Variants in COL10A1 observed in about 807,000 individuals in gnomAD.
The protein encoded by COL10A1 is collagen alpha-1(X) chain.
Under a neutral mutation model 18.2 loss-of-function variants are expected in COL10A1, and 10 were observed. The ratio of observed to expected loss-of-function variants is 0.55; its 90% CI spans 0.34 to 0.93. The LOEUF (loss-of-function observed/expected upper bound fraction) is 0.93. Among genes scored for constraint, COL10A1 ranks in the 40% least tolerant of loss-of-function variants. The pLI is 0.02. For missense variants in COL10A1, 897 were observed against 853.5 expected (o/e 1.05, Z -0.64); for synonymous variants, 330 against 316.6 (o/e 1.04, Z -0.45).
intron 1 of COL10A1, among the ~76,000 whole-genome samples, chr6:116,136,904 C>T (rs543034968): frequency 4.6e-5 from 7 of 152,238 alleles, no homozygotes; most frequent in African/African-American, 1.7e-4. Flanking sequence ...AAGAATCCAG[C>T]CTGTGTTTGT....
rs1176486083 is a variant in COL10A1 at position 116,119,311 on chromosome 6, CTT to C, written c.*760_*761del. ...AATTAAAGAAATCAAATTAATCACA[CTT>C]GTGTTAACTAAATAAGAATAGGTCA... On this transcript the variant is annotated 3_prime_UTR_variant, in exon 3 of 3. Coordinates refer to ENST00000651968, the MANE Select transcript of COL10A1 (RefSeq NM_000493.4). 6.6e-6 allele frequency: 1 copy of C among 152,478 alleles called. No individual in the cohort carries two copies. Among genetic ancestry groups the C allele is most frequent in the Non-Finnish European group, 1.5e-5 (1 of 68,032 alleles). 9.4% of individuals were successfully genotyped at this position (152,478 alleles called of 1,614,324 possible).
chr6:116,153,177 T>G (rs1339498594), intron 1 of COL10A1, among the ~76,000 whole-genome samples: 1 of 151,970 alleles, frequency 6.6e-6, no homozygotes, highest in Non-Finnish European at 1.5e-5. Context: ...ACATAATTTT[T>G]GAGTAGGGTT....
chr6:116,193,415 T>G, the COL10A1 span, among the ~76,000 whole-genome samples: 1 of 152,162 alleles, frequency 6.6e-6, no homozygotes, highest in South Asian at 2.1e-4. Context: ...GTTTGAAAAA[T>G]GAAAACTTGA....
intron 1 of COL10A1, among the ~76,000 whole-genome samples, chr6:116,138,378 T>C (rs886779228): frequency 6.6e-6 from 1 of 152,204 alleles, no homozygotes; most frequent in Non-Finnish European, 1.5e-5. Flanking sequence ...ACTACTGTGT[T>C]GGCTATTCCT....
At chr6:116,185,655 G>A in the COL10A1 span, among the ~76,000 whole-genome samples, 105 of 152,212 alleles carry the variant, frequency 6.9e-4, no homozygotes, top group Middle Eastern at 3.4e-3. Flanking sequence ...TTGCTTTAAA[G>A]TTTGTTTTGT....
chr6:116,169,161 T>C, the COL10A1 span, among the ~76,000 whole-genome samples: 1 of 151,238 alleles, frequency 6.6e-6, no homozygotes, highest in Non-Finnish European at 1.5e-5. Context: ...AAGCTCAGCT[T>C]TCTGGGTTTC....
chr6:116,158,093 A>G lies in COL10A1; in HGVS notation c.-16+521T>C, dbSNP rs73772301. ...CTCAAAAAGTCAATTTCTCTGAACTACAAGAACTTTCTAGTTTCAATAGCT... is the reference window on the plus strand; with the variant it reads ...CTCAAAAAGTCAATTTCTCTGAACTGCAAGAACTTTCTAGTTTCAATAGCT... On this transcript the variant is annotated intron_variant, in intron 1 of 1. Transcript: ENST00000418500. Among the ~76,000 whole-genome samples, 344 of 152,312 alleles carry G rather than the reference A, an allele frequency of 2.3e-3. 2 individuals are homozygous for G. The highest frequency in any genetic ancestry group is 8.1e-3 in the African/African-American group (338 of 41,560).
chr6:116,162,774 T>A (rs1780364824), upstream of COL10A1, among the ~76,000 whole-genome samples: 1 of 152,158 alleles, frequency 6.6e-6, no homozygotes. Flanking sequence ...GTTATTAGCA[T>A]GATACTAGTT....
At position 116,125,429 on chromosome 6, in the gene COL10A1, C is replaced by T. The variant is rs767889462; in HGVS notation, c.64G>A (p.Ala22Thr). 3.3e-5 allele frequency: 54 copies of T among 1,613,582 alleles called. No homozygotes were observed. The highest frequency in any genetic ancestry group is 2.4e-4 in the South Asian group (22 of 91,070). The change falls in exon 2 of 3, where the codon GCT becomes ACT. Residue 22 changes from alanine (A) to threonine (T), a missense_variant. Physicochemically the swap from Ala to Thr is moderately conservative, Grantham distance 58 (BLOSUM62 0). Coordinates refer to ENST00000651968, the MANE Select transcript of COL10A1 (RefSeq NM_000493.4). ...CCTGTGGGCATTTGGTATCGTTCAG[C>T]GTAAAACACTCCATGAACCAAGTTC... ...SLNLVHGVFY[A>T]ERYQMPTGIK... is the part of the protein sequence containing the mutation.
chr6:116,203,100 A>G, the COL10A1 span, among the ~76,000 whole-genome samples: 64,656 of 151,888 alleles, frequency 0.43, 17,731 homozygotes, highest in African/African-American at 0.78. Context: ...GTGAAGTTAT[A>G]TAAAATGTCA....
chr6:116,131,748 A>G (rs995742655), intron 1 of COL10A1, among the ~76,000 whole-genome samples: 16 of 151,968 alleles, frequency 1.1e-4, no homozygotes, highest in African/African-American at 3.9e-4. Flanking sequence ...ATGGGGCTTT[A>G]TTGTACAGTT....
the COL10A1 span, among the ~76,000 whole-genome samples, chr6:116,202,417 A>G: frequency 2.0e-5 from 3 of 152,028 alleles, no homozygotes; most frequent in African/African-American, 4.8e-5. Context: ...TTTGTTCGCC[A>G]TACTCTTTTT....
chr6:116,191,991 A>G, the COL10A1 span, among the ~76,000 whole-genome samples: 1 of 152,074 alleles, frequency 6.6e-6, no homozygotes, highest in Admixed American at 6.6e-5. Flanking sequence ...ACGAGCAAAC[A>G]TGAGGATGAG....
intron 1 of COL10A1, among the ~76,000 whole-genome samples, chr6:116,144,839 T>C (rs1269507260): frequency 1.3e-5 from 2 of 152,078 alleles, no homozygotes; most frequent in Non-Finnish European, 2.9e-5. Flanking sequence ...ATATGCATGA[T>C]AGGAGAATGA....
chr6:116,198,674 A>G, the COL10A1 span, among the ~76,000 whole-genome samples: 5 of 151,980 alleles, frequency 3.3e-5, no homozygotes, highest in Middle Eastern at 3.2e-3. Context: ...GTTACCTATG[A>G]GCTACGATCA....
chr6:116,126,163 A>T (rs1457224117), upstream of COL10A1: 2 of 152,308 alleles, frequency 1.3e-5, no homozygotes, highest in Non-Finnish European at 2.9e-5. Flanking sequence ...TGGTATTTAT[A>T]CTGTTTTTCC....
At chr6:116,153,648 A>G (rs568280909) in intron 1 of COL10A1, among the ~76,000 whole-genome samples, 11 of 152,310 alleles carry the variant, frequency 7.2e-5, no homozygotes, top group Admixed American at 7.2e-4. Flanking sequence ...AAAGTTGCAT[A>G]TAAAATTGCT....
At chr6:116,147,664 G>C (rs1052894324) in intron 1 of COL10A1, among the ~76,000 whole-genome samples, 16 of 152,110 alleles carry the variant, frequency 1.1e-4, no homozygotes, top group African/African-American at 3.6e-4. Context: ...ATTGCAAATA[G>C]AAACTGTTAC....
chr6:116,200,836 C>T, the COL10A1 span, among the ~76,000 whole-genome samples: 1 of 152,000 alleles, frequency 6.6e-6, no homozygotes, highest in African/African-American at 2.4e-5. Context: ...AATCCTGTGG[C>T]AGACCATGTT....
Sources: allele counts gnomAD v4.1 joint callset (sites outside exome capture counted in the v4.1 genomes callset), GRCh38; gene constraint gnomAD v4.1.1; transcripts MANE v1.5; gene names NCBI Gene and HGNC (gene_info 2026-07-23, HGNC 2026-07-21).